SRFBP1: variants seen among roughly 807,000 people sequenced by gnomAD.
SRFBP1 encodes the protein serum response factor binding protein 1, also known as serum response factor-binding protein 1.
SRFBP1 carries 47 observed loss-of-function variants against 45.5 expected under a neutral mutation model. The ratio of observed to expected loss-of-function variants is 1.03; its 90% CI spans 0.82 to 1.32. The LOEUF (loss-of-function observed/expected upper bound fraction) is 1.32, where lower values mean the gene tolerates loss of function less well. Ranked by LOEUF, SRFBP1 falls within the 40% of genes most tolerant of loss-of-function variation. The pLI, the probability that SRFBP1 is intolerant of heterozygous loss-of-function variation, is 0.00. For synonymous variants in SRFBP1, 203 were observed against 166.3 expected, an observed-to-expected ratio of 1.22 and a Z score of -1.70; for missense variants, 621 against 484.6, an observed-to-expected ratio of 1.28 and a Z score of -2.64.
At chr5:122,054,180 A>G (rs1163302242) in intron 2 of SRFBP1, among the ~76,000 whole-genome samples, 2 of 152,190 alleles carry the variant, frequency 1.3e-5, no homozygotes, top group East Asian at 3.8e-4. Context: ...TTGCCCCCAC[A>G]AAACATCTGA....
chr5:122,031,309 A>G (rs760557049), downstream of SRFBP1, among the ~76,000 whole-genome samples: 9 of 152,214 alleles, frequency 5.9e-5, no homozygotes, highest in South Asian at 2.1e-4. Flanking sequence ...GAGTTGTAAC[A>G]TGTTATTTAA....
downstream of SRFBP1, among the ~76,000 whole-genome samples, chr5:122,033,548 CCTCTCAGGTTCAAGCAGTTCT>C (rs1309292448): frequency 6.6e-6 from 1 of 151,842 alleles, no homozygotes; most frequent in Non-Finnish European, 1.5e-5. Flanking sequence ...GCAACCTCTG[CCTCTCAGGTTCAAGCAGTTCT>C]CTCTGCCTCA....
chr5:122,040,767 AT>A (rs951515224), intron 2 of SRFBP1, among the ~76,000 whole-genome samples: 3 of 152,176 alleles, frequency 2.0e-5, no homozygotes, highest in African/African-American at 7.2e-5. Context: ...CCTAAAGTAT[AT>A]GTTCTTGAGT....
chr5:121,982,138 A>G (rs1561579570), intron 3 of SRFBP1, among the ~76,000 whole-genome samples: 1 of 151,984 alleles, frequency 6.6e-6, no homozygotes. Context: ...TTATACAGTC[A>G]CCTTAGCCAA....
chr5:122,055,620 TA>T (rs759130251), intron 2 of SRFBP1, among the ~76,000 whole-genome samples: 7 of 152,144 alleles, frequency 4.6e-5, no homozygotes, highest in Middle Eastern at 3.4e-3. Context: ...TTCATCCCAA[TA>T]AAAAAAGACA....
intron 4 of SRFBP1, among the ~76,000 whole-genome samples, chr5:121,998,215 C>G (rs530312770): frequency 6.6e-6 from 1 of 151,888 alleles, no homozygotes. Flanking sequence ...CACATGCACA[C>G]GTATGTTTAT....
intron 4 of SRFBP1, among the ~76,000 whole-genome samples, chr5:122,003,954 A>G (rs1252058365): frequency 6.6e-6 from 1 of 151,976 alleles, no homozygotes; most frequent in Non-Finnish European, 1.5e-5. Flanking sequence ...GTTTTATTTG[A>G]GACAGGATCT....
At chr5:122,045,159 G>T (rs1301437671) in intron 2 of SRFBP1, among the ~76,000 whole-genome samples, 1 of 152,162 alleles carries the variant, frequency 6.6e-6, no homozygotes, top group African/African-American at 2.4e-5. Flanking sequence ...TCAAAGACAA[G>T]ATGGTTGTAC....
chr5:121,986,357 C>T (rs1293811993), intron 3 of SRFBP1, among the ~76,000 whole-genome samples: 2 of 151,864 alleles, frequency 1.3e-5, no homozygotes, highest in Non-Finnish European at 2.9e-5. Flanking sequence ...GTAATTGGGA[C>T]AAAAGCCAAT....
chr5:121,984,064 A>G (rs915674786), intron 3 of SRFBP1, among the ~76,000 whole-genome samples: 3 of 151,788 alleles, frequency 2.0e-5, no homozygotes, highest in African/African-American at 7.2e-5. Context: ...GTTTTGTCTG[A>G]TAACAAGGCA....
chr5:122,020,980 G>A (rs1340967391), intron 6 of SRFBP1, among the ~76,000 whole-genome samples, 178 bp downstream of exon 6: 1 of 152,154 alleles, frequency 6.6e-6, no homozygotes, highest in Non-Finnish European at 1.5e-5. Flanking sequence ...ATATGGCAAT[G>A]CCACATTTGC....
chr5:122,046,946 G>C (rs1165419724), intron 2 of SRFBP1, among the ~76,000 whole-genome samples: 1 of 152,096 alleles, frequency 6.6e-6, no homozygotes, highest in Admixed American at 6.6e-5. Context: ...CTGGATATTA[G>C]CCCTTTGTCA....
chr5:121,999,936 A>G (rs572004971), intron 4 of SRFBP1, among the ~76,000 whole-genome samples: 4 of 152,176 alleles, frequency 2.6e-5, no homozygotes, highest in African/African-American at 9.6e-5. Flanking sequence ...TTTCTATTCA[A>G]TGTGATTATT....
intron 1 of SRFBP1, among the ~76,000 whole-genome samples, chr5:121,970,228 G>T (rs555817807): frequency 6.6e-6 from 1 of 152,162 alleles, no homozygotes; most frequent in South Asian, 2.1e-4. Flanking sequence ...TTTGCTTTTA[G>T]AATTCCCTTA....
chr5:121,975,495 A>G, intron 3 of SRFBP1, 108 bp downstream of exon 3: 2 of 1,168,882 alleles, frequency 1.7e-6, no homozygotes, highest in Non-Finnish European at 2.5e-6. Context: ...AGAGTTGCGT[A>G]AGACATCTTG....
intron 3 of SRFBP1, among the ~76,000 whole-genome samples, chr5:121,977,199 A>G (rs937222089): frequency 6.6e-5 from 10 of 151,956 alleles, no homozygotes; most frequent in Non-Finnish European, 1.0e-4. Flanking sequence ...TTTGTGTTCT[A>G]TTTTTCCCTG....
At chr5:121,998,077 T>C in intron 4 of SRFBP1, among the ~76,000 whole-genome samples, 1 of 152,064 alleles carries the variant, frequency 6.6e-6, no homozygotes, top group Middle Eastern at 3.2e-3. Context: ...GACTGTAAAC[T>C]TAGTTCAACC....
intron 2 of SRFBP1, among the ~76,000 whole-genome samples, chr5:122,049,094 G>C (rs903702270): frequency 1.2e-4 from 18 of 151,982 alleles, no homozygotes; most frequent in African/African-American, 4.4e-4. Context: ...GCTAGCTTTT[G>C]AATGTGTTTG....
At chr5:122,056,881 C>G (rs945642336) in intron 2 of SRFBP1, among the ~76,000 whole-genome samples, 20 of 152,016 alleles carry the variant, frequency 1.3e-4, no homozygotes, top group African/African-American at 4.1e-4. Context: ...AGTCAGTTGT[C>G]TAGAATAGCC....
Sources: allele counts gnomAD v4.1 joint callset (sites outside exome capture counted in the v4.1 genomes callset), GRCh38; gene constraint gnomAD v4.1.1; transcripts MANE v1.5; gene names NCBI Gene and HGNC (gene_info 2026-07-23, HGNC 2026-07-21).